The following CA10 variants were observed in gnomAD, a reference collection of about 807,000 sequenced individuals.
The protein encoded by CA10 is carbonic anhydrase 10 (inactive).
A neutral mutation model predicts 44.2 loss-of-function variants in CA10; 14 were observed. The ratio of observed to expected loss-of-function variants is 0.32; its 90% CI spans 0.21 to 0.50. CA10 has a LOEUF of 0.50. CA10 is among the 20% of genes least tolerant of loss of function. The pLI is 0.99. For synonymous variants in CA10, 159 were observed against 141.6 expected (o/e 1.12, Z -0.87); for missense variants, 350 against 409.7 (o/e 0.85, Z 1.26).
At chr17:52,131,954 GA>G (rs1303457244) in intron 1 of CA10, among the ~76,000 whole-genome samples, 2 of 151,642 alleles carry the variant, frequency 1.3e-5, no homozygotes, top group African/African-American at 4.8e-5. Flanking sequence ...GATGGGAATT[GA>G]AAAATGAGAA....
chr17:52,123,357 G>A (rs904411929), intron 1 of CA10, among the ~76,000 whole-genome samples: 18 of 132,108 alleles, frequency 1.4e-4, no homozygotes, highest in African/African-American at 4.4e-4. Flanking sequence ...GTGTGTATGT[G>A]TGTATATATA....
intron 4 of CA10, among the ~76,000 whole-genome samples, chr17:51,674,886 T>C (rs1489497089): frequency 2.0e-5 from 3 of 152,238 alleles, no homozygotes; most frequent in Non-Finnish European, 2.9e-5. Context: ...GCGTGTATTG[T>C]GATAAGCATA....
At chr17:51,640,658 G>A (rs917224415) in intron 6 of CA10, among the ~76,000 whole-genome samples, 2 of 152,166 alleles carry the variant, frequency 1.3e-5, no homozygotes, top group African/African-American at 4.8e-5. Flanking sequence ...TGTTTGATAG[G>A]ACAGAAGCAG....
intron 2 of CA10, among the ~76,000 whole-genome samples, chr17:52,046,169 G>A (rs568201731): frequency 4.5e-4 from 68 of 151,388 alleles, no homozygotes; most frequent in Admixed American, 1.1e-3. Context: ...ACTAGAAAGA[G>A]CAGAGAAAAC....
rs143370224 is a variant in CA10 at position 51,634,288 on chromosome 17, C to T, written c.790-638G>A. ...TTCTGATTTTAAATTCTCTAAGATG[C>T]CCTCGTAGCTCTCAAATAAATGCTT... is the stretch of plus-strand genomic sequence containing the variant. On this transcript the variant is annotated intron_variant, in intron 7 of 8. Coordinates refer to ENST00000451037, the MANE Select transcript of CA10 (RefSeq NM_020178.5). Among the ~76,000 whole-genome samples, 469 of 152,312 alleles carry T rather than the reference C, an allele frequency of 3.1e-3. 3 individuals are homozygous for T. Among genetic ancestry groups the T allele is most frequent in the Non-Finnish European group, 4.8e-3 (329 of 68,028 alleles).
intron 3 of CA10, among the ~76,000 whole-genome samples, chr17:51,828,311 C>T (rs1013606893): frequency 6.6e-6 from 1 of 152,162 alleles, no homozygotes; most frequent in African/African-American, 2.4e-5. Context: ...TCTCTGAAGT[C>T]TCCCACATGT....
chr17:51,991,000 C>G (rs1037385294), intron 2 of CA10, among the ~76,000 whole-genome samples: 1 of 152,150 alleles, frequency 6.6e-6, no homozygotes, highest in Admixed American at 6.6e-5. Context: ...ATACCCTCAC[C>G]ACTTAAGGGC....
Position 52,106,285 on chromosome 17 carries a change from G to A in CA10, c.62-33892C>T, listed in dbSNP as rs963445889. On this transcript the variant is annotated intron_variant, in intron 1 of 8. Coordinates refer to ENST00000451037, the MANE Select transcript of CA10 (RefSeq NM_020178.5). ...ATTCCGTTTCCAAATGCTGCAACCCGCCCATGGCTCTAATCAAGAGCAGAA... is the reference window on the plus strand; with the variant it reads ...ATTCCGTTTCCAAATGCTGCAACCCACCCATGGCTCTAATCAAGAGCAGAA... Among the ~76,000 whole-genome samples, 36 of 152,084 alleles carry A rather than the reference G, an allele frequency of 2.4e-4. 1 individual carries two copies. Among genetic ancestry groups the A allele is most frequent in the Admixed American group, 1.9e-3 (29 of 15,260 alleles).
At chr17:51,844,805 T>C (rs952965364) in intron 3 of CA10, among the ~76,000 whole-genome samples, 5 of 152,180 alleles carry the variant, frequency 3.3e-5, no homozygotes, top group African/African-American at 1.2e-4. Context: ...ACAGAAATGA[T>C]GGTGGGTAGA....
At chr17:51,654,788 C>T (rs113302821) in intron 4 of CA10, among the ~76,000 whole-genome samples, 19,104 of 152,096 alleles carry the variant, frequency 0.13, 1,567 homozygotes, top group Non-Finnish European at 0.18. Flanking sequence ...CATCTCCTGA[C>T]CTCGTGATCC....
intron 4 of CA10, among the ~76,000 whole-genome samples, chr17:51,738,832 T>TA (rs1904347469): frequency 2.0e-5 from 3 of 152,212 alleles, no homozygotes; most frequent in Non-Finnish European, 4.4e-5. Flanking sequence ...TCTTGGGATT[T>TA]GACAGAATTC....
At chr17:51,635,726 A>T in intron 7 of CA10, 129 bp downstream of exon 7, 2 of 643,086 alleles carry the variant, frequency 3.1e-6, no homozygotes, top group Non-Finnish European at 5.0e-6. Context: ...GTGTTAGTTT[A>T]AACTACCCAG....
At chr17:51,816,053 C>T (rs1212901974) in intron 3 of CA10, among the ~76,000 whole-genome samples, 2 of 152,004 alleles carry the variant, frequency 1.3e-5, no homozygotes, top group African/African-American at 4.8e-5. Flanking sequence ...ACCCATTAAC[C>T]ATCTCCACCT....
At chr17:51,901,196 T>C (rs1336637505) in intron 3 of CA10, among the ~76,000 whole-genome samples, 2 of 152,164 alleles carry the variant, frequency 1.3e-5, no homozygotes, top group Non-Finnish European at 2.9e-5. Flanking sequence ...CATTGCTTTT[T>C]TTTCCCTTTG....
rs181477314 is a variant in CA10, at chr17:51,990,527, G to T, written c.137-59395C>A. Among the ~76,000 whole-genome samples the T allele has an allele frequency of 7.2e-5, 11 of 152,156 alleles. No homozygotes were observed. In the East Asian group the frequency reaches 1.9e-3, roughly 27 times the overall value. On this transcript the variant is annotated intron_variant, in intron 2 of 8. Coordinates refer to ENST00000451037, the MANE Select transcript of CA10 (RefSeq NM_020178.5). ...AATGCCCATAAAGGAAGTAGGAGAGGAGACAGTACAAAACTGAGATAATTC... is the reference window on the plus strand; with the variant it reads ...AATGCCCATAAAGGAAGTAGGAGAGTAGACAGTACAAAACTGAGATAATTC...
At chr17:51,741,033 C>T (rs1189034064) in intron 4 of CA10, among the ~76,000 whole-genome samples, 1 of 152,196 alleles carries the variant, frequency 6.6e-6, no homozygotes. Context: ...AAGCACCTTA[C>T]AGGTAGACAT....
chr17:52,144,163 A>C (rs1989537065), intron 1 of CA10, among the ~76,000 whole-genome samples: 1 of 152,208 alleles, frequency 6.6e-6, no homozygotes, highest in African/African-American at 2.4e-5. Flanking sequence ...TGCTTGGGGA[A>C]GCAGGTAAGT....
chr17:51,849,231 G>GTATATATATATA (rs1441221955), intron 3 of CA10, among the ~76,000 whole-genome samples: 1 of 55,880 alleles, frequency 1.8e-5, no homozygotes, highest in Non-Finnish European at 5.0e-5. Flanking sequence ...ATATATGTGT[G>GTATATATATATA]TGTATATATA....
intron 2 of CA10, among the ~76,000 whole-genome samples, chr17:52,050,820 C>A (rs891307086): frequency 2.6e-5 from 4 of 152,074 alleles, no homozygotes; most frequent in Non-Finnish European, 4.4e-5. Context: ...AATGTGCATA[C>A]TTTGAAAATA....
Sources: allele counts gnomAD v4.1 joint callset (sites outside exome capture counted in the v4.1 genomes callset), GRCh38; gene constraint gnomAD v4.1.1; transcripts MANE v1.5; gene names NCBI Gene and HGNC (gene_info 2026-07-23, HGNC 2026-07-21).